PARG: variants seen among roughly 807,000 people sequenced by gnomAD.
The protein encoded by PARG is poly(ADP-ribose) glycohydrolase.
PARG carries 35 observed loss-of-function variants against 113.0 expected under a neutral mutation model. The ratio of observed to expected loss-of-function variants is 0.31; its 90% CI spans 0.24 to 0.41. The LOEUF (loss-of-function observed/expected upper bound fraction) is 0.41, where lower values mean the gene tolerates loss of function less well. Ranked by LOEUF, PARG falls within the 10% of genes least tolerant of loss-of-function variation. The pLI is 1.00. For missense variants in PARG, 797 were observed against 1,169.4 expected (o/e 0.68, Z 4.64); for synonymous variants, 330 against 409.9 (o/e 0.81, Z 2.36).
intron 15 of PARG, among the ~76,000 whole-genome samples, chr10:49,836,462 A>C (rs1426302913): frequency 6.6e-6 from 1 of 151,634 alleles, no homozygotes; most frequent in Non-Finnish European, 1.5e-5. Flanking sequence ...AATAATTATA[A>C]CATTAATACA....
chr10:49,843,995 A>C (rs1424189583), intron 13 of PARG, among the ~76,000 whole-genome samples: 2 of 152,042 alleles, frequency 1.3e-5, no homozygotes, highest in African/African-American at 2.4e-5. Flanking sequence ...AAATGTAAAA[A>C]TTAGCCAGGC....
intron 6 of PARG, among the ~76,000 whole-genome samples, chr10:49,917,438 G>A (rs1376408926): frequency 1.4e-5 from 2 of 147,808 alleles, no homozygotes; most frequent in African/African-American, 5.0e-5. Flanking sequence ...GCAGTGAGCC[G>A]AGGTCGTGCC....
chr10:49,867,176 T>G (rs1846557170), intron 10 of PARG: 2 of 150,704 alleles, frequency 1.3e-5, no homozygotes, highest in African/African-American at 2.4e-5. Context: ...TAATCCTTTG[T>G]GGCAGGCCTT....
chr10:49,888,413 T>C (rs1847604606), intron 7 of PARG, among the ~76,000 whole-genome samples: 1 of 152,162 alleles, frequency 6.6e-6, no homozygotes, highest in South Asian at 2.1e-4. Context: ...TTATGTTAGG[T>C]TCACTGATGT....
intron 15 of PARG, among the ~76,000 whole-genome samples, chr10:49,838,431 CAAAAAAAAAAAA>C (rs782657099): frequency 5.0e-5 from 2 of 40,292 alleles, no homozygotes; most frequent in African/African-American, 1.1e-4. Flanking sequence ...AACTCCGTCT[CAAAAAAAAAAAA>C]AAAAAAAAAA....
At chr10:49,829,149 T>C (rs575757158) in intron 16 of PARG, among the ~76,000 whole-genome samples, 3 of 152,088 alleles carry the variant, frequency 2.0e-5, no homozygotes, top group Non-Finnish European at 2.9e-5. Flanking sequence ...GGGAGGAGAA[T>C]TGCTTGAACT....
chr10:49,908,905 T>C (rs1439758453), intron 7 of PARG, among the ~76,000 whole-genome samples: 1 of 152,162 alleles, frequency 6.6e-6, no homozygotes, highest in East Asian at 1.9e-4. Context: ...TTAGGTCAGC[T>C]TTTCCCAAAC....
At chr10:49,923,126 C>G (rs1270786677) in intron 4 of PARG, among the ~76,000 whole-genome samples, 2 of 152,146 alleles carry the variant, frequency 1.3e-5, no homozygotes, top group Non-Finnish European at 2.9e-5. Flanking sequence ...ATAGCAAATT[C>G]ATTTTCATAT....
chr10:49,933,260 T>C lies in PARG; in HGVS notation c.1188A>G (p.Glu396=). The C allele has an allele frequency of 6.3e-7, 1 of 1,598,864 alleles. No homozygotes were observed. Among genetic ancestry groups the C allele is most frequent in the Non-Finnish European group, 8.6e-7 (1 of 1,169,506 alleles). The change falls in exon 3 of 18, where the codon GAA becomes GAG. Residue 396 remains glutamate (E), a synonymous_variant. Transcript: ENST00000616448. ...LPGNISSLNV[E]CRNSKQHGKK... The stretch of plus-strand genomic sequence containing the variant: ...TTCCATGTTGCTTAGAATTTCTGCA[T>C]TCTACATTCAGGCTAGAAATATTTC...
intron 9 of PARG, among the ~76,000 whole-genome samples, chr10:49,874,429 C>A (rs1232904180): frequency 6.6e-6 from 1 of 151,882 alleles, no homozygotes; most frequent in Non-Finnish European, 1.5e-5. Flanking sequence ...TGACTTTCAG[C>A]GCTAACCAGC....
intron 7 of PARG, among the ~76,000 whole-genome samples, chr10:49,889,167 A>C (rs1847647605): frequency 6.6e-6 from 1 of 151,064 alleles, no homozygotes; most frequent in Admixed American, 6.6e-5. Context: ...ATTGTCAGAC[A>C]ATTCACATCT....
At chr10:49,842,088 T>C (rs1845270775) in intron 14 of PARG, 30 bp from the exon 15 acceptor site, 1 of 1,426,386 alleles carries the variant, frequency 7.0e-7, no homozygotes, top group Non-Finnish European at 9.7e-7. Flanking sequence ...GGAGAAAAGA[T>C]AAGGAACAGG....
intron 4 of PARG, among the ~76,000 whole-genome samples, chr10:49,925,509 C>T (rs531278965): frequency 7.9e-5 from 12 of 152,322 alleles, no homozygotes; most frequent in African/African-American, 2.4e-4. Context: ...CTCTCTAATA[C>T]ATATAAAACC....
chr10:49,820,649 G>C (rs1291527369), intron 16 of PARG, among the ~76,000 whole-genome samples: 2 of 151,294 alleles, frequency 1.3e-5, no homozygotes, highest in Non-Finnish European at 2.9e-5. Flanking sequence ...TTGAACCTGG[G>C]AGGTGGAGGT....
chr10:49,829,505 A>G lies in PARG; in HGVS notation c.2647+3298T>C, dbSNP rs187229303. 1.0e-3 allele frequency among the ~76,000 whole-genome samples: 155 copies of G among 152,322 alleles called. 2 individuals carry two copies. Among genetic ancestry groups the G allele is most frequent in the East Asian group, 7.7e-4 (4 of 5,186 alleles). ...ATAAGATTTTTTTGTTACAAAAACA[A>G]TATATGCTCACAATAAAAAAGATGC... On this transcript the variant is annotated intron_variant, in intron 16 of 17. Coordinates refer to ENST00000616448, the MANE Select transcript of PARG (RefSeq NM_003631.5).
At chr10:49,935,691 T>G (rs1438091104) in intron 1 of PARG, among the ~76,000 whole-genome samples, 10 of 152,090 alleles carry the variant, frequency 6.6e-5, no homozygotes, top group Admixed American at 5.2e-4. Flanking sequence ...TCGGTAAGAT[T>G]TCTTCGGAAA....
At chr10:49,830,758 A>G (rs1249150663) in intron 16 of PARG, among the ~76,000 whole-genome samples, 1 of 152,220 alleles carries the variant, frequency 6.6e-6, no homozygotes, top group Non-Finnish European at 1.5e-5. Flanking sequence ...TGTGAGGAAG[A>G]CAATGTGAAT....
intron 7 of PARG, among the ~76,000 whole-genome samples, chr10:49,891,608 TATATA>T (rs1847790663): frequency 2.2e-5 from 1 of 46,210 alleles, no homozygotes; most frequent in African/African-American, 1.3e-4. Context: ...TATATATATA[TATATA>T]TATATATATA....
rs574328884 is a variant in PARG, at chr10:49,925,952, T to A, written c.1456-3283A>T. Among the ~76,000 whole-genome samples the A allele has an allele frequency of 2.4e-3, 371 of 152,362 alleles. 1 individual carries two copies. Among genetic ancestry groups the A allele is most frequent in the Non-Finnish European group, 4.6e-3 (314 of 68,034 alleles). On this transcript the variant is annotated intron_variant, in intron 4 of 17. Transcript: ENST00000616448. ...AAAGGGGCACAAGAGCCTTTATTCC[T>A]GATGCAAGTCCTGCCCCTGTACCCT...
Sources: allele counts gnomAD v4.1 joint callset (sites outside exome capture counted in the v4.1 genomes callset), GRCh38; gene constraint gnomAD v4.1.1; transcripts MANE v1.5; gene names NCBI Gene and HGNC (gene_info 2026-07-23, HGNC 2026-07-21).